UFSP2: variants seen among roughly 807,000 people sequenced by gnomAD.
UFSP2 encodes the protein UFM1 specific peptidase 2, also known as ufm1-specific protease 2.
Under a neutral mutation model 60.2 loss-of-function variants are expected in UFSP2, and 43 were observed. The ratio of observed to expected loss-of-function variants is 0.71; its 90% CI spans 0.56 to 0.92. The LOEUF is 0.92. UFSP2 is among the 40% of genes least tolerant of loss of function. The probability of loss-of-function intolerance (pLI) is 0.00; values close to 1 mark genes in which losing one functional copy is unlikely to be tolerated. For missense variants in UFSP2, 520 were observed against 575.0 expected, an observed-to-expected ratio of 0.90 and a Z score of 0.98; for synonymous variants, 183 against 195.1, an observed-to-expected ratio of 0.94 and a Z score of 0.52.
chr4:185,422,465 G>T lies in UFSP2; in HGVS notation c.82+20C>A, dbSNP rs369619793. 5.0e-5 allele frequency: 79 copies of T among 1,580,788 alleles called. No individual in the cohort carries two copies. In the African/African-American group the frequency reaches 9.8e-4, roughly 20 times the overall value. ...TCACTATCAATTTTCTAATAAAAAA[G>T]AATTTTTCAGAAGACCTACCATTAG... is the stretch of plus-strand genomic sequence containing the variant. On this transcript the variant is annotated intron_variant, in intron 2 of 11. Transcript: ENST00000264689.
intron 2 of UFSP2, among the ~76,000 whole-genome samples, chr4:185,420,336 A>T: frequency 6.6e-6 from 1 of 152,198 alleles, no homozygotes. Context: ...TGACACATTC[A>T]ATTTGGAAAC....
Position 185,400,383 on chromosome 4 carries a change from C to T in UFSP2, c.*9G>A. ...ACCACTCTACTGCAGTCTTTGACTC[C>T]AAGATATTTTAAATCATATTTGGTC... On this transcript the variant is annotated 3_prime_UTR_variant, in exon 12 of 12. Coordinates refer to ENST00000264689, the MANE Select transcript of UFSP2 (RefSeq NM_018359.5). 1 of 1,604,112 alleles carries T rather than the reference C, an allele frequency of 6.2e-7. No individual in the cohort carries two copies. Among genetic ancestry groups the T allele is most frequent in the Non-Finnish European group, 8.5e-7 (1 of 1,172,870 alleles).
chr4:185,405,319 C>T (rs956881445), intron 10 of UFSP2, among the ~76,000 whole-genome samples: 1 of 152,160 alleles, frequency 6.6e-6, no homozygotes, highest in Non-Finnish European at 1.5e-5. Flanking sequence ...TTCTTACACA[C>T]TAGTCTCACC....
intron 7 of UFSP2, 112 bp downstream of exon 7, chr4:185,413,614 C>T (rs1385792860): frequency 9.5e-7 from 1 of 1,053,150 alleles, no homozygotes; most frequent in Non-Finnish European, 1.3e-6. Context: ...GGTGATAAAT[C>T]ATGTTTTAGG....
chr4:185,403,505 T>C lies in UFSP2; in HGVS notation c.1312A>G (p.Ile438Val), dbSNP rs978013199. ...AAATGGATACTTACCTTTTCCAAAA[T>C]AACTTGCAGGTCTTCAGCACCGGTA... ...HYTGAEDLQV[I>V]LEKGWCGWKG... Residue 438 changes from isoleucine (I) to valine (V), a missense_variant, in exon 11 of 12, where the codon ATT becomes GTT. Coordinates refer to ENST00000264689, the MANE Select transcript of UFSP2 (RefSeq NM_018359.5). 1.2e-6 allele frequency: 2 copies of C among 1,612,746 alleles called. No individual in the cohort carries two copies. The highest frequency in any genetic ancestry group is 2.7e-5 in the African/African-American group (2 of 74,836).
At chr4:185,414,580 A>G (rs2095535051) in intron 6 of UFSP2, among the ~76,000 whole-genome samples, 1 of 152,188 alleles carries the variant, frequency 6.6e-6, no homozygotes, top group Non-Finnish European at 1.5e-5. Context: ...AATTAGGAAG[A>G]TGCTCCACGG....
At chr4:185,402,301 A>G (rs1482179045) in intron 11 of UFSP2, 1 of 455,598 alleles carries the variant, frequency 2.2e-6, no homozygotes, top group Non-Finnish European at 4.4e-6. Context: ...AGTAAGATAC[A>G]TGCACCAGTC....
In UFSP2 at chr4:185,415,250, C is replaced by T. The variant is rs755605765; in HGVS notation, c.589G>A (p.Glu197Lys). 1.1e-5 allele frequency: 17 copies of T among 1,604,356 alleles called. No homozygotes were observed. In the South Asian group the frequency reaches 1.8e-4, roughly 17 times the overall value. ...YMKGTSIVVP[E>K]PLHFLLPGKK... ...CCTGGTAATAAAAAGTGCAGTGGTT[C>T]AGGGACCACAATAGATGTTCCTTTC... The change falls in exon 6 of 12, where the codon GAA becomes AAA. Residue 197 changes from glutamate (E) to lysine (K), a missense_variant. Transcript: ENST00000264689.
chr4:185,415,336 A>G lies in UFSP2; in HGVS notation c.503T>C (p.Leu168Pro). Residue 168 changes from leucine (L) to proline (P), a missense_variant, in exon 6 of 12, where the codon CTC becomes CCC. Physicochemically the swap from Leu to Pro is moderately conservative, Grantham distance 98. Coordinates refer to ENST00000264689, the MANE Select transcript of UFSP2 (RefSeq NM_018359.5). ...TTGATTATGAATTGCATCAACCAGG[A>G]GTTTACGAACTCTGTGGGGGGAAAT... ...PEETWGKVRKLLVDAIHNQLT... is the reference protein window; with the variant it reads ...PEETWGKVRKPLVDAIHNQLT... 6.3e-7 allele frequency: 1 copy of G among 1,584,148 alleles called. No homozygotes were observed. The highest frequency in any genetic ancestry group is 1.2e-5 in the South Asian group (1 of 85,122).
chr4:185,403,760 G>A, intron 10 of UFSP2, 142 bp from the exon 11 acceptor site: 6 of 988,658 alleles, frequency 6.1e-6, no homozygotes, highest in Non-Finnish European at 8.5e-6. Flanking sequence ...GGATCACGAG[G>A]TCAGGAGATG....
chr4:185,422,392 ATC>A (rs1387499046), intron 2 of UFSP2, 91 bp downstream of exon 2: 8 of 866,968 alleles, frequency 9.2e-6, no homozygotes, highest in African/African-American at 3.5e-5. Context: ...AGTTCATCCT[ATC>A]TCTCTCTCAG....
chr4:185,415,994 A>G, intron 4 of UFSP2, 127 bp from the exon 5 acceptor site: 1 of 698,622 alleles, frequency 1.4e-6, no homozygotes, highest in Non-Finnish European at 2.2e-6. Context: ...CAAGTACAGT[A>G]GTGAAAAGGG....
At chr4:185,415,452 C>A in intron 5 of UFSP2, 105 bp from the exon 6 acceptor site, 1 of 1,012,158 alleles carries the variant, frequency 9.9e-7, no homozygotes, top group South Asian at 2.1e-5. Flanking sequence ...CTTGATTGGA[C>A]CAGGTTTGCT....
At chr4:185,419,334 G>A (rs944672489) in intron 2 of UFSP2, among the ~76,000 whole-genome samples, 34 of 152,168 alleles carry the variant, frequency 2.2e-4, no homozygotes, top group Non-Finnish European at 2.8e-4. Context: ...GTTTCACCAC[G>A]TTAGCCAGGA....
intron 6 of UFSP2, 146 bp from the exon 7 acceptor site, chr4:185,414,018 A>C: frequency 1.5e-6 from 1 of 658,638 alleles, no homozygotes; most frequent in South Asian, 3.7e-5. Context: ...ACTAACATCA[A>C]AGATGGTGAA....
intron 5 of UFSP2, 28 bp downstream of exon 5, chr4:185,415,682 G>T: frequency 1.3e-6 from 2 of 1,584,182 alleles, no homozygotes; most frequent in Non-Finnish European, 8.6e-7. Context: ...TCATTCAAAT[G>T]TGGCAGTGGT....
At chr4:185,423,460 G>C (rs892971813) in intron 1 of UFSP2, among the ~76,000 whole-genome samples, 2 of 152,164 alleles carry the variant, frequency 1.3e-5, no homozygotes, top group Non-Finnish European at 2.9e-5. Context: ...GCTTGATCTA[G>C]TGATATGCAT....
At chr4:185,415,968 A>C (rs2095537955) in intron 4 of UFSP2, 101 bp from the exon 5 acceptor site, 1 of 1,014,660 alleles carries the variant, frequency 9.9e-7, no homozygotes, top group Non-Finnish European at 1.4e-6. Context: ...TATTAAGAAA[A>C]AAATTTAAGA....
intron 2 of UFSP2, among the ~76,000 whole-genome samples, chr4:185,419,786 T>C (rs1373302454): frequency 2.0e-5 from 3 of 152,262 alleles, no homozygotes; most frequent in Admixed American, 1.3e-4. Flanking sequence ...TTCCATTGTG[T>C]GGATACACCA....
Sources: gnomAD v4.1 joint callset for allele counts (sites outside exome capture counted in the v4.1 genomes callset) on GRCh38, gnomAD v4.1.1 for gene constraint, MANE v1.5 for transcripts, NCBI Gene and HGNC (gene_info 2026-07-23, HGNC 2026-07-21) for gene names.